The following PTPRD variants were observed in gnomAD, a reference collection of about 807,000 sequenced individuals.
The protein encoded by PTPRD is protein tyrosine phosphatase receptor type D.
A neutral mutation model predicts 214.5 loss-of-function variants in PTPRD; 34 were observed. The observed-to-expected ratio is 0.16, with a 90% confidence interval of 0.12 to 0.21. The LOEUF (loss-of-function observed/expected upper bound fraction) is 0.21, where lower values mean the gene tolerates loss of function less well. Ranked by LOEUF, PTPRD falls within the 10% of genes least tolerant of loss-of-function variation. The pLI is 1.00. For missense variants in PTPRD, 2,545 were observed against 2,398.7 expected, an observed-to-expected ratio of 1.06 and a Z score of -1.27; for synonymous variants, 1,128 against 845.7, an observed-to-expected ratio of 1.33 and a Z score of -5.79.
chr9:10,067,711 A>G (rs184388709), intron 3 of PTPRD, among the ~76,000 whole-genome samples: 1 of 152,000 alleles, frequency 6.6e-6, no homozygotes, highest in East Asian at 1.9e-4. Context: ...AGTTCAAACC[A>G]AAGTCTTTTT....
chr9:8,636,889 A>G (rs745458662), intron 12 of PTPRD, 45 bp from the exon 13 acceptor site: 1 of 1,597,564 alleles, frequency 6.3e-7, no homozygotes, highest in Non-Finnish European at 8.6e-7. Context: ...AAACTGAAAT[A>G]CAGACTATTA....
intron 11 of PTPRD, among the ~76,000 whole-genome samples, chr9:8,877,838 C>CA (rs1341456419): frequency 6.6e-6 from 1 of 152,152 alleles, no homozygotes; most frequent in Non-Finnish European, 1.5e-5. Context: ...AGGCTCTTCT[C>CA]AGACAATCCA....
chr9:9,895,795 G>A (rs945702624), intron 5 of PTPRD, among the ~76,000 whole-genome samples: 1 of 152,010 alleles, frequency 6.6e-6, no homozygotes, highest in Non-Finnish European at 1.5e-5. Context: ...TAGTGCTCAT[G>A]GCATGCAGTT....
chr9:9,995,171 A>G (rs935782664), intron 4 of PTPRD, among the ~76,000 whole-genome samples: 13 of 152,154 alleles, frequency 8.5e-5, no homozygotes, highest in African/African-American at 3.1e-4. Flanking sequence ...TTCTAATACC[A>G]AAAGCTAAAG....
intron 12 of PTPRD, among the ~76,000 whole-genome samples, chr9:8,723,036 T>C (rs1404716741): frequency 6.6e-6 from 1 of 152,160 alleles, no homozygotes; most frequent in African/African-American, 2.4e-5. Context: ...TAGTACCTAA[T>C]TCAAGTTTAA....
chr9:9,253,474 T>C (rs555498117), intron 9 of PTPRD, among the ~76,000 whole-genome samples: 1 of 150,540 alleles, frequency 6.6e-6, no homozygotes, highest in South Asian at 2.1e-4. Context: ...TGTTGAATCA[T>C]ATTTTTGAGC....
Position 9,712,523 on chromosome 9 carries a change from G to A in PTPRD, c.-287+22010C>T, listed in dbSNP as rs539463012. The stretch of plus-strand genomic sequence containing the variant: ...CCGCAGGGAAGAAATACTACCCCAC[G>A]AGTAAAGGTTCCTTCCTCAGCTTGT... On this transcript the variant is annotated intron_variant, in intron 7 of 45. Transcript: ENST00000381196. Among the ~76,000 whole-genome samples the A allele has an allele frequency of 2.0e-5, 3 of 152,200 alleles. No homozygotes were observed. The South Asian group carries it at 6.2e-4, about 32-fold the overall frequency.
rs186507800 is a variant in PTPRD at position 9,841,163 on chromosome 9, T to G, written c.-367-74312A>C. On this transcript the variant is annotated intron_variant, in intron 5 of 45. Transcript: ENST00000381196. ...ATATTTACCAGTAAAAATATCTAAA[T>G]TATTTTGCATCGTCGGAATCATACT... Among the ~76,000 whole-genome samples the G allele has an allele frequency of 5.4e-4, 82 of 152,296 alleles. 1 individual carries two copies. The highest frequency in any genetic ancestry group is 4.8e-3 in the Admixed American group (73 of 15,288).
intron 3 of PTPRD, among the ~76,000 whole-genome samples, chr9:10,295,103 T>C (rs2095637533): frequency 6.6e-6 from 1 of 152,050 alleles, no homozygotes; most frequent in South Asian, 2.1e-4. Flanking sequence ...TTGTTGAAAA[T>C]CTCTAAAGGA....
At chr9:10,364,420 A>G (rs555897659) in intron 2 of PTPRD, among the ~76,000 whole-genome samples, 1 of 152,224 alleles carries the variant, frequency 6.6e-6, no homozygotes, top group South Asian at 2.1e-4. Context: ...CTGTACTCTA[A>G]CAGCCCTGAC....
intron 3 of PTPRD, among the ~76,000 whole-genome samples, chr9:10,177,966 G>A (rs1039235166): frequency 1.2e-4 from 18 of 151,886 alleles, no homozygotes; most frequent in African/African-American, 3.9e-4. Context: ...TCCAGAGATA[G>A]GTGGCTAGTA....
chr9:9,147,486 G>C (rs1326873004), intron 10 of PTPRD, among the ~76,000 whole-genome samples: 1 of 151,858 alleles, frequency 6.6e-6, no homozygotes, highest in Non-Finnish European at 1.5e-5. Flanking sequence ...AACTACACTA[G>C]GACCTGCCAG....
chr9:9,233,994 G>C (rs892916370), intron 9 of PTPRD, among the ~76,000 whole-genome samples: 1 of 152,048 alleles, frequency 6.6e-6, no homozygotes, highest in Non-Finnish European at 1.5e-5. Flanking sequence ...TTTTTTCAAA[G>C]CTCCACTAGG....
intron 4 of PTPRD, among the ~76,000 whole-genome samples, chr9:10,032,888 T>A (rs571991114): frequency 7.2e-5 from 11 of 152,124 alleles, no homozygotes; most frequent in Non-Finnish European, 1.6e-4. Context: ...TAAATTTGCA[T>A]GATTTTATAG....
intron 3 of PTPRD, among the ~76,000 whole-genome samples, chr9:10,118,278 T>C (rs28497843): frequency 6.7e-4 from 102 of 151,800 alleles, no homozygotes; most frequent in African/African-American, 2.3e-3. Context: ...ACATTTATTA[T>C]CTATATATCT....
At chr9:9,992,435 C>G (rs2095973615) in intron 4 of PTPRD, among the ~76,000 whole-genome samples, 1 of 152,146 alleles carries the variant, frequency 6.6e-6, no homozygotes, top group African/African-American at 2.4e-5. Flanking sequence ...TTTGACCCAG[C>G]CATCCCATTA....
At chr9:10,363,440 T>C (rs2097434846) in intron 2 of PTPRD, among the ~76,000 whole-genome samples, 1 of 152,246 alleles carries the variant, frequency 6.6e-6, no homozygotes, top group Non-Finnish European at 1.5e-5. Flanking sequence ...GCCATTATTT[T>C]AGGACAAACT....
At chr9:9,984,528 G>C (rs2095644107) in intron 4 of PTPRD, among the ~76,000 whole-genome samples, 1 of 152,152 alleles carries the variant, frequency 6.6e-6, no homozygotes, top group Non-Finnish European at 1.5e-5. Flanking sequence ...ACGCAGGTGA[G>C]CCACAACTGG....
At chr9:9,383,386 A>G (rs994708845) in intron 9 of PTPRD, among the ~76,000 whole-genome samples, 6 of 152,136 alleles carry the variant, frequency 3.9e-5, no homozygotes, top group Admixed American at 3.3e-4. Context: ...TGGACATACA[A>G]GTTCACCATG....
Sources: allele counts gnomAD v4.1 joint callset (sites outside exome capture counted in the v4.1 genomes callset), GRCh38; gene constraint gnomAD v4.1.1; transcripts MANE v1.5; gene names NCBI Gene and HGNC (gene_info 2026-07-23, HGNC 2026-07-21).